The following TMEM135 variants were observed in gnomAD, a reference collection of about 807,000 sequenced individuals.
The protein encoded by TMEM135 is transmembrane protein 135.
A neutral mutation model predicts 60.3 loss-of-function variants in TMEM135; 30 were observed. The observed-to-expected ratio is 0.50, with a 90% CI of 0.37 to 0.68. The LOEUF is 0.68. Among genes scored for constraint, TMEM135 ranks in the 30% least tolerant of loss-of-function variants. The pLI, the probability that TMEM135 is intolerant of heterozygous loss-of-function variation, is 0.00. For synonymous variants in TMEM135, 190 were observed against 186.7 expected, an observed-to-expected ratio of 1.02 and a Z score of -0.14; for missense variants, 468 against 548.8, an observed-to-expected ratio of 0.85 and a Z score of 1.47.
intron 6 of TMEM135, among the ~76,000 whole-genome samples, chr11:87,291,141 C>T (rs1942254003): frequency 6.6e-6 from 1 of 152,140 alleles, no homozygotes; most frequent in Non-Finnish European, 1.5e-5. Flanking sequence ...CAGACCTCTC[C>T]CTTAATCCTC....
rs139960427 is a variant in TMEM135 at position 87,321,053 on chromosome 11, T to A, written c.1245-148T>A. On this transcript the variant is annotated intron_variant, in intron 14 of 14. Coordinates refer to ENST00000305494, the MANE Select transcript of TMEM135 (RefSeq NM_022918.4). ...AGTGTATCTCGAAGAAGAGCCTTCA[T>A]GTGACTTGAATCTGCCATTGAATTT... 16 of 644,390 alleles carry A rather than the reference T, an allele frequency of 2.5e-5. No homozygotes were observed. The African/African-American group carries it at 2.6e-4, about 10-fold the overall frequency. The allele number at this position is 644,390 out of a possible 1,614,324, so 39.9% of individuals were successfully genotyped here. A position where few individuals can be genotyped will look rare whatever the true frequency, so the allele number is the denominator to read the frequency against.
At position 87,071,601 on chromosome 11, in the gene TMEM135, TG is replaced by T; in HGVS notation, c.349del (p.Glu117LysfsTer26). The stretch of plus-strand genomic sequence containing the variant: ...CAGCATCTTATGTGGCCATTCTCAT[TG>T]AAAGAAAAAGCAGGTAAAATTTCAT... ...LPASYVAILI[E>X]RKSRRGLLTI... On this transcript the variant is annotated frameshift_variant, in exon 3 of 15. Coordinates refer to ENST00000305494, the MANE Select transcript of TMEM135 (RefSeq NM_022918.4). LOFTEE classifies it high-confidence loss of function. 1 of 1,613,472 alleles carries T rather than the reference TG, an allele frequency of 6.2e-7. No homozygotes were observed. The highest frequency in any genetic ancestry group is 8.5e-7 in the Non-Finnish European group (1 of 1,179,766).
At chr11:87,273,469 C>T (rs1392278588) in intron 6 of TMEM135, among the ~76,000 whole-genome samples, 2 of 151,870 alleles carry the variant, frequency 1.3e-5, no homozygotes, top group Non-Finnish European at 2.9e-5. Context: ...CTTGGTTCTA[C>T]CAATCTTTAG....
chr11:87,195,391 T>TTCTCTCTCTCTCTCTTTC lies in TMEM135; in HGVS notation c.462+38000_462+38001insTTCTCTCTCTCTCTCTCT, dbSNP rs1555116640. Reference sequence around the variant, plus strand: ...CTTCCTTCCTTCCTTCCTTCCTTCCTTCTCTCTCTCTCTCTCTCTGTTTCT... The same window carrying TTCTCTCTCTCTCTCTTTC: ...CTTCCTTCCTTCCTTCCTTCCTTCCTTCTCTCTCTCTCTCTTTCTCTCTCTCTCTCTCTCTCTGTTTCT... On this transcript the variant is annotated intron_variant, in intron 5 of 14. Coordinates refer to ENST00000305494, the MANE Select transcript of TMEM135 (RefSeq NM_022918.4). 9.4e-3 allele frequency among the ~76,000 whole-genome samples: 620 copies of TTCTCTCTCTCTCTCTTTC among 65,736 alleles called. 48 individuals carry two copies. Among genetic ancestry groups the TTCTCTCTCTCTCTCTTTC allele is most frequent in the Middle Eastern group, 0.018 (2 of 112 alleles). 43.1% of individuals were successfully genotyped at this position (65,736 alleles called of 152,430 possible).
intron 5 of TMEM135, among the ~76,000 whole-genome samples, chr11:87,161,411 A>C (rs1261419417): frequency 6.6e-6 from 1 of 152,162 alleles, no homozygotes; most frequent in Non-Finnish European, 1.5e-5. Context: ...CTTTGTTAGA[A>C]GATAAGGTTA....
At chr11:87,133,050 A>G (rs912051700) in intron 4 of TMEM135, among the ~76,000 whole-genome samples, 2 of 152,208 alleles carry the variant, frequency 1.3e-5, no homozygotes, top group Non-Finnish European at 2.9e-5. Flanking sequence ...TAACTGGTAC[A>G]TAGCATCTAT....
At chr11:87,172,423 T>C in intron 5 of TMEM135, among the ~76,000 whole-genome samples, 1 of 135,694 alleles carries the variant, frequency 7.4e-6, no homozygotes, top group Non-Finnish European at 1.6e-5. Context: ...GAAAAGTAGG[T>C]TTTTTTTTTT....
chr11:87,045,310 G>T (rs571216489), intron 1 of TMEM135, among the ~76,000 whole-genome samples: 2 of 152,136 alleles, frequency 1.3e-5, no homozygotes, highest in African/African-American at 4.8e-5. Flanking sequence ...GATTACAGGC[G>T]TGAGCCACCG....
At position 87,323,009 on chromosome 11, in the gene TMEM135, A is replaced by T. The variant is rs79930427; in HGVS notation, c.*1676A>T. The T allele has an allele frequency of 2.2e-6, 1 of 454,416 alleles. No individual in the cohort carries two copies. Among genetic ancestry groups the T allele is most frequent in the South Asian group, 1.6e-5 (1 of 64,462 alleles). 28.1% of individuals were successfully genotyped at this position (454,416 alleles called of 1,614,324 possible). A position where few individuals can be genotyped will look rare whatever the true frequency, so the allele number is the denominator to read the frequency against. On this transcript the variant is annotated 3_prime_UTR_variant, in exon 15 of 15. Coordinates refer to ENST00000305494, the MANE Select transcript of TMEM135 (RefSeq NM_022918.4). ...CTGTGTTTACTGTTTAAAATGAAGT[A>T]CTAAAGCCCTGAGAACTGCACCTCA...
At chr11:87,058,312 A>G (rs1375154056) in intron 1 of TMEM135, among the ~76,000 whole-genome samples, 1 of 148,286 alleles carries the variant, frequency 6.7e-6, no homozygotes, top group African/African-American at 2.5e-5. Flanking sequence ...GTTACAACAA[A>G]TAATTCTGCC....
At chr11:87,319,843 G>A (rs534024380) in intron 14 of TMEM135, among the ~76,000 whole-genome samples, 5 of 152,042 alleles carry the variant, frequency 3.3e-5, no homozygotes, top group African/African-American at 4.8e-5. Context: ...TCTTTGGGAG[G>A]CATTTTGACC....
chr11:87,280,344 C>G (rs1164269966), intron 6 of TMEM135, among the ~76,000 whole-genome samples: 1 of 152,200 alleles, frequency 6.6e-6, no homozygotes, highest in Non-Finnish European at 1.5e-5. Flanking sequence ...TGTCATTCCT[C>G]TGAGTAGCAG....
intron 5 of TMEM135, among the ~76,000 whole-genome samples, chr11:87,200,798 A>G (rs1940076494): frequency 6.6e-6 from 1 of 152,194 alleles, no homozygotes; most frequent in East Asian, 1.9e-4. Flanking sequence ...CAAACCCCTG[A>G]AAACCATTGA....
intron 8 of TMEM135, among the ~76,000 whole-genome samples, chr11:87,304,997 T>A (rs1942514837): frequency 6.6e-6 from 1 of 152,216 alleles, no homozygotes; most frequent in Non-Finnish European, 1.5e-5. Flanking sequence ...AAATATTTAT[T>A]AAACACTGGA....
intron 8 of TMEM135, 86 bp downstream of exon 8, chr11:87,302,528 A>C: frequency 6.5e-7 from 1 of 1,539,330 alleles, no homozygotes; most frequent in African/African-American, 1.4e-5. Flanking sequence ...TTTGTTTTCT[A>C]TTCAGGTAAT....
chr11:87,318,873 T>TC (rs1565170401), intron 13 of TMEM135, among the ~76,000 whole-genome samples: 1 of 148,314 alleles, frequency 6.7e-6, no homozygotes, highest in Non-Finnish European at 1.5e-5. Context: ...CTTTTTTTTT[T>TC]CTTTTTTTTT....
At chr11:87,136,395 AG>A (rs1434384651) in intron 4 of TMEM135, among the ~76,000 whole-genome samples, 1 of 152,028 alleles carries the variant, frequency 6.6e-6, no homozygotes, top group Non-Finnish European at 1.5e-5. Context: ...TGTTGGATTC[AG>A]TGTGCTCAGA....
chr11:87,117,564 C>G (rs895137092), intron 4 of TMEM135, among the ~76,000 whole-genome samples: 6 of 151,816 alleles, frequency 4.0e-5, no homozygotes, highest in African/African-American at 1.5e-4. Context: ...TTTGCTCATT[C>G]ATAAGAAAAA....
intron 6 of TMEM135, among the ~76,000 whole-genome samples, chr11:87,247,258 C>G (rs1360016221): frequency 6.6e-6 from 1 of 152,140 alleles, no homozygotes; most frequent in African/African-American, 2.4e-5. Flanking sequence ...GTCGGTCTGC[C>G]CCTACTGGGG....
Sources: gnomAD v4.1 joint callset for allele counts (sites outside exome capture counted in the v4.1 genomes callset) on GRCh38, gnomAD v4.1.1 for gene constraint, MANE v1.5 for transcripts, NCBI Gene and HGNC (gene_info 2026-07-23, HGNC 2026-07-21) for gene names.